FOXN3: variants seen among roughly 807,000 people sequenced by gnomAD.
FOXN3 encodes the protein forkhead box protein N3.
A neutral mutation model predicts 38.4 loss-of-function variants in FOXN3; 7 were observed. The observed-to-expected ratio is 0.18, with a 90% CI of 0.10 to 0.34. FOXN3 has a LOEUF of 0.34. FOXN3 is among the 10% of genes least tolerant of loss of function. The probability of loss-of-function intolerance (pLI) is 1.00; values close to 1 mark genes in which losing one functional copy is unlikely to be tolerated. For missense variants in FOXN3, 456 were observed against 613.4 expected (o/e 0.74, Z 2.71); for synonymous variants, 230 against 242.2 (o/e 0.95, Z 0.47).
At chr14:89,355,187 T>C (rs543983553) in intron 2 of FOXN3, 24 of 142,444 alleles carry the variant, frequency 1.7e-4, no homozygotes, top group Non-Finnish European at 3.0e-4. Flanking sequence ...TAGGAAGAAA[T>C]GGTTAGCAAA....
At chr14:89,420,550 A>G (rs1349157908), upstream of FOXN3, among the ~76,000 whole-genome samples, 4 of 152,208 alleles carry the variant, frequency 2.6e-5, no homozygotes, top group African/African-American at 9.7e-5. Context: ...ATTTTGAGAA[A>G]GCACAAGGGG....
intron 1 of FOXN3, among the ~76,000 whole-genome samples, chr14:89,488,951 G>GA (rs1369645694): frequency 1.3e-5 from 2 of 152,110 alleles, no homozygotes; most frequent in Non-Finnish European, 2.9e-5. Flanking sequence ...CCAATTAGAG[G>GA]AAAAAATGCT....
chr14:89,315,375 G>A (rs1270070562), intron 3 of FOXN3, among the ~76,000 whole-genome samples: 1 of 152,098 alleles, frequency 6.6e-6, no homozygotes, highest in African/African-American at 2.4e-5. Flanking sequence ...GTGAAAATAA[G>A]ATCGTTACAA....
At chr14:89,475,315 C>T (rs950762666) in intron 1 of FOXN3, among the ~76,000 whole-genome samples, 1 of 152,070 alleles carries the variant, frequency 6.6e-6, no homozygotes, top group South Asian at 2.1e-4. Flanking sequence ...AAATCAAATG[C>T]TGTGGTAATA....
chr14:89,568,018 G>T (rs1031608029), intron 1 of FOXN3, among the ~76,000 whole-genome samples: 1 of 151,894 alleles, frequency 6.6e-6, no homozygotes. Flanking sequence ...CATCGCGCCC[G>T]GCCAAATCTC....
chr14:89,566,702 T>C (rs17126047), intron 1 of FOXN3, among the ~76,000 whole-genome samples: 85,009 of 152,012 alleles, frequency 0.56, 24,569 homozygotes, highest in Middle Eastern at 0.68. Context: ...TCATAGCAGC[T>C]ACATATTCTC....
chr14:89,403,330 T>G (rs2098192591), intron 2 of FOXN3, among the ~76,000 whole-genome samples: 1 of 152,218 alleles, frequency 6.6e-6, no homozygotes, highest in Non-Finnish European at 1.5e-5. Flanking sequence ...GGAGAGTAGC[T>G]GGGACTACAG....
At chr14:89,384,109 T>C (rs760735764) in intron 2 of FOXN3, among the ~76,000 whole-genome samples, 3 of 152,098 alleles carry the variant, frequency 2.0e-5, no homozygotes, top group Non-Finnish European at 4.4e-5. Context: ...ACCTCAAAGG[T>C]AACCTTTTCC....
At chr14:89,618,336 T>C (rs1489163066) in intron 1 of FOXN3, among the ~76,000 whole-genome samples, 1 of 152,172 alleles carries the variant, frequency 6.6e-6, no homozygotes, top group Non-Finnish European at 1.5e-5. Context: ...CCCGGGAGTA[T>C]AAACAAAGCA....
intron 1 of FOXN3, among the ~76,000 whole-genome samples, chr14:89,467,036 T>C (rs1167974458): frequency 6.6e-6 from 1 of 152,222 alleles, no homozygotes; most frequent in Admixed American, 6.5e-5. Context: ...CTACCACTGT[T>C]GGGCGATGGT....
chr14:89,210,988 A>G (rs1430096746), intron 4 of FOXN3, among the ~76,000 whole-genome samples: 2 of 152,226 alleles, frequency 1.3e-5, no homozygotes, highest in Non-Finnish European at 2.9e-5. Context: ...CCATCTAGAC[A>G]TGTTGCAAAA....
chr14:89,237,655 T>G (rs1008796560), intron 4 of FOXN3, among the ~76,000 whole-genome samples: 2 of 152,188 alleles, frequency 1.3e-5, no homozygotes, highest in Non-Finnish European at 2.9e-5. Context: ...TAGGATCATC[T>G]CAAAGCAAAG....
chr14:89,258,485 G>C (rs1885694847), intron 4 of FOXN3, among the ~76,000 whole-genome samples: 1 of 152,150 alleles, frequency 6.6e-6, no homozygotes. Context: ...AAGGCATGCA[G>C]GTATGTGCCA....
intron 1 of FOXN3, among the ~76,000 whole-genome samples, chr14:89,607,524 A>T (rs1896298184): frequency 6.7e-6 from 1 of 149,648 alleles, no homozygotes; most frequent in Non-Finnish European, 1.5e-5. Context: ...ACCCCACTGC[A>T]CTCCAGCCTA....
intron 3 of FOXN3, among the ~76,000 whole-genome samples, chr14:89,338,270 G>C (rs1888521775): frequency 6.6e-6 from 1 of 152,176 alleles, no homozygotes. Flanking sequence ...GCATCCCAGA[G>C]CAACTAAAGG....
At chr14:89,256,463 G>A (rs1028345112) in intron 4 of FOXN3, among the ~76,000 whole-genome samples, 3 of 152,138 alleles carry the variant, frequency 2.0e-5, no homozygotes, top group Non-Finnish European at 2.9e-5. Flanking sequence ...CTGGGTGGAC[G>A]TCTATTTTGG....
At chr14:89,560,447 AC>A (rs939570265) in intron 1 of FOXN3, among the ~76,000 whole-genome samples, 3 of 152,222 alleles carry the variant, frequency 2.0e-5, no homozygotes, top group African/African-American at 7.2e-5. Flanking sequence ...AGGATAGGGA[AC>A]CATACCCCAT....
chr14:89,164,437 T>C lies in FOXN3; in HGVS notation c.852-1468A>G, dbSNP rs532380402. Reference sequence around the variant, plus strand: ...CTAAGAGTTCTGGGGAACATGACCATACTTTTCCTGCCTAGATGACCCCAA... The same window carrying C: ...CTAAGAGTTCTGGGGAACATGACCACACTTTTCCTGCCTAGATGACCCCAA... On this transcript the variant is annotated intron_variant, in intron 5 of 5. Transcript: ENST00000557258. This position sits in a 1 kb window ranked among gnomAD's most constrained non-coding sequence, Gnocchi z 4.3. 6.6e-6 allele frequency among the ~76,000 whole-genome samples: 1 copy of C among 152,274 alleles called. No individual in the cohort carries two copies. Among genetic ancestry groups the C allele is most frequent in the South Asian group, 2.1e-4 (1 of 4,820 alleles).
chr14:89,543,910 G>A (rs941043537), intron 1 of FOXN3, among the ~76,000 whole-genome samples: 1 of 151,846 alleles, frequency 6.6e-6, no homozygotes, highest in Non-Finnish European at 1.5e-5. Flanking sequence ...CAATGGGGGT[G>A]GGGGGGAAGT....
Sources: allele counts gnomAD v4.1 joint callset (sites outside exome capture counted in the v4.1 genomes callset), GRCh38; gene constraint gnomAD v4.1.1; non-coding constraint Gnocchi (gnomAD v3.1); transcripts MANE v1.5; gene names NCBI Gene and HGNC (gene_info 2026-07-23, HGNC 2026-07-21).